ARHGAP32: variants seen among roughly 807,000 people sequenced by gnomAD.
ARHGAP32 encodes the protein Rho GTPase activating protein 32, also known as rho GTPase-activating protein 32.
A neutral mutation model predicts 186.5 loss-of-function variants in ARHGAP32; 51 were observed. That is an observed-to-expected ratio of 0.27 (90% CI 0.22 to 0.35). The LOEUF is 0.35. Among genes scored for constraint, ARHGAP32 ranks in the 10% least tolerant of loss-of-function variants. The pLI, the probability that ARHGAP32 is intolerant of heterozygous loss-of-function variation, is 1.00. For missense variants in ARHGAP32, 2,186 were observed against 2,623.5 expected, an observed-to-expected ratio of 0.83 and a Z score of 3.64; for synonymous variants, 950 against 964.3, an observed-to-expected ratio of 0.99 and a Z score of 0.27.
chr11:129,190,102 C>A (rs1394984364), intron 1 of ARHGAP32, among the ~76,000 whole-genome samples: 1 of 152,214 alleles, frequency 6.6e-6, no homozygotes, highest in East Asian at 1.9e-4. Context: ...CACAGTAAGA[C>A]ATTTTTAAAA....
chr11:129,119,793 G>A (rs776437749), intron 5 of ARHGAP32, among the ~76,000 whole-genome samples: 3 of 152,072 alleles, frequency 2.0e-5, no homozygotes, highest in South Asian at 2.1e-4. Flanking sequence ...CTGTCCTAGA[G>A]GAGCATTTTA....
At chr11:129,274,590 G>A (rs923388023) in intron 1 of ARHGAP32, among the ~76,000 whole-genome samples, 4 of 152,134 alleles carry the variant, frequency 2.6e-5, no homozygotes, top group Non-Finnish European at 5.9e-5. Flanking sequence ...CAGAACAATG[G>A]CCTTTTTTAT....
At chr11:128,990,723 C>A (rs886364497) in intron 12 of ARHGAP32, among the ~76,000 whole-genome samples, 3 of 152,038 alleles carry the variant, frequency 2.0e-5, no homozygotes, top group African/African-American at 7.2e-5. Context: ...CTCACATTGT[C>A]CCACCAATGA....
At chr11:129,147,566 T>G (rs1943192444) in intron 2 of ARHGAP32, among the ~76,000 whole-genome samples, 1 of 152,216 alleles carries the variant, frequency 6.6e-6, no homozygotes, top group Non-Finnish European at 1.5e-5. Flanking sequence ...TTTACAACTC[T>G]GCAGAGATGG....
chr11:129,019,177 C>T (rs118025682), intron 11 of ARHGAP32, among the ~76,000 whole-genome samples: 2,066 of 152,244 alleles, frequency 0.014, 19 homozygotes, highest in Non-Finnish European at 0.022. Context: ...TAGCTCTGCC[C>T]TCTCTCTGGC....
In ARHGAP32 at chr11:128,970,368, C is replaced by T; in HGVS notation, c.4845G>A (p.Arg1615=). 1 of 1,614,106 alleles carries T rather than the reference C, an allele frequency of 6.2e-7. No individual in the cohort carries two copies. Among genetic ancestry groups the T allele is most frequent in the Non-Finnish European group, 8.5e-7 (1 of 1,180,030 alleles). Residue 1615 remains arginine (R), a synonymous_variant, in exon 23 of 23, where the codon CGG becomes CGA. Coordinates refer to ENST00000682385, the MANE Select transcript of ARHGAP32 (RefSeq NM_001378024.1). The surrounding 1 kb of genome is among the most constrained non-coding windows in gnomAD (Gnocchi z 5.8). ...SSMIRSVPIS[R]TEVPPDDEPA... Reference sequence around the variant, plus strand: ...GCTCATCATCTGGGGGAACTTCTGTCCGTGAAATGGGAACAGAGCGAATCA... The same window carrying T: ...GCTCATCATCTGGGGGAACTTCTGTTCGTGAAATGGGAACAGAGCGAATCA...
intron 1 of ARHGAP32, among the ~76,000 whole-genome samples, chr11:129,205,439 G>A (rs1449666788): frequency 6.6e-6 from 1 of 152,094 alleles, no homozygotes; most frequent in Non-Finnish European, 1.5e-5. Context: ...TATTATCCTT[G>A]AGTATCCATG....
At chr11:129,213,416 C>T (rs1488032888) in intron 1 of ARHGAP32, among the ~76,000 whole-genome samples, 1 of 152,046 alleles carries the variant, frequency 6.6e-6, no homozygotes, top group East Asian at 1.9e-4. Context: ...AACTGACAGC[C>T]GGTAATAATA....
At chr11:129,133,541 T>C (rs1339040678) in intron 2 of ARHGAP32, among the ~76,000 whole-genome samples, 1 of 152,152 alleles carries the variant, frequency 6.6e-6, no homozygotes, top group Admixed American at 6.5e-5. Flanking sequence ...ACATTATGTA[T>C]TGGTATGGAG....
chr11:129,170,986 A>G (rs1237469206), intron 1 of ARHGAP32, among the ~76,000 whole-genome samples: 1 of 152,202 alleles, frequency 6.6e-6, no homozygotes, highest in Non-Finnish European at 1.5e-5. Context: ...GTGTCTGTTC[A>G]TATCCTTTGC....
chr11:129,198,204 C>T (rs1449841372), intron 1 of ARHGAP32, among the ~76,000 whole-genome samples: 1 of 152,226 alleles, frequency 6.6e-6, no homozygotes, highest in Non-Finnish European at 1.5e-5. Context: ...TAAAATACAT[C>T]ATCACCATTG....
At chr11:129,130,345 A>G (rs377281665) in intron 2 of ARHGAP32, among the ~76,000 whole-genome samples, 59 of 152,242 alleles carry the variant, frequency 3.9e-4, no homozygotes, top group African/African-American at 1.4e-3. Flanking sequence ...TTCAGGATGG[A>G]AATTCATTCA....
chr11:129,212,739 CTTG>C (rs975715008), intron 1 of ARHGAP32, among the ~76,000 whole-genome samples: 1 of 152,162 alleles, frequency 6.6e-6, no homozygotes, highest in African/African-American at 2.4e-5. Flanking sequence ...CATAGCATAA[CTTG>C]TTGTGTACTT....
chr11:129,090,721 T>C (rs865784742), intron 6 of ARHGAP32, among the ~76,000 whole-genome samples: 2 of 152,126 alleles, frequency 1.3e-5, no homozygotes, highest in African/African-American at 4.8e-5. Flanking sequence ...TGCTAAAGAA[T>C]AAAGCACTAA....
intron 1 of ARHGAP32, among the ~76,000 whole-genome samples, chr11:129,258,746 A>T (rs1313624735): frequency 6.6e-6 from 1 of 152,232 alleles, no homozygotes; most frequent in Non-Finnish European, 1.5e-5. Context: ...ATAATTTTTC[A>T]CAGGACTATG....
chr11:128,999,403 C>T (rs757235864), intron 11 of ARHGAP32, among the ~76,000 whole-genome samples: 8 of 152,244 alleles, frequency 5.3e-5, no homozygotes, highest in South Asian at 4.2e-4. Context: ...GCATGCACAG[C>T]GGGACATGAA....
intron 1 of ARHGAP32, among the ~76,000 whole-genome samples, chr11:129,218,736 A>AAAC (rs72151470): frequency 5.9e-5 from 9 of 152,030 alleles, no homozygotes; most frequent in Admixed American, 2.6e-4. Flanking sequence ...TGAATGTAAA[A>AAAC]AACAACAACA....
At chr11:129,237,918 AAAG>A (rs1424104882) in intron 1 of ARHGAP32, among the ~76,000 whole-genome samples, 2 of 152,138 alleles carry the variant, frequency 1.3e-5, no homozygotes, top group African/African-American at 2.4e-5. Context: ...GCATTGATCC[AAAG>A]AAGTGAGAGT....
intron 7 of ARHGAP32, among the ~76,000 whole-genome samples, chr11:129,066,237 C>T (rs999603243): frequency 6.6e-6 from 1 of 152,052 alleles, no homozygotes; most frequent in Non-Finnish European, 1.5e-5. Flanking sequence ...ATCCCATCTA[C>T]TTTTTAAGAT....
Sources: gnomAD v4.1 joint callset for allele counts (sites outside exome capture counted in the v4.1 genomes callset) on GRCh38, gnomAD v4.1.1 for gene constraint, Gnocchi (gnomAD v3.1) non-coding constraint, MANE v1.5 for transcripts, NCBI Gene and HGNC (gene_info 2026-07-23, HGNC 2026-07-21) for gene names.